NPM1: variants seen among roughly 807,000 people sequenced by gnomAD.
NPM1 encodes the protein nucleophosmin.
NPM1 carries 1 observed loss-of-function variant against 44.1 expected under a neutral mutation model. The observed-to-expected ratio is 0.02, with a 90% CI of 0.01 to 0.11. The LOEUF (loss-of-function observed/expected upper bound fraction) is 0.11. Among genes scored for constraint, NPM1 ranks in the 10% least tolerant of loss-of-function variants. The pLI is 1.00. For synonymous variants in NPM1, 126 were observed against 111.8 expected, an observed-to-expected ratio of 1.13 and a Z score of -0.80; for missense variants, 197 against 347.8, an observed-to-expected ratio of 0.57 and a Z score of 3.45.
At chr5:171,395,963 AT>A (rs10709038) in intron 6 of NPM1, among the ~76,000 whole-genome samples, 48,580 of 139,758 alleles carry the variant, frequency 0.35, 7,479 homozygotes, top group East Asian at 0.51. Flanking sequence ...GTAAAGCTGA[AT>A]TTTTTTTTTT....
At chr5:171,405,018 G>T (rs1771487719) in intron 8 of NPM1, among the ~76,000 whole-genome samples, 1 of 151,962 alleles carries the variant, frequency 6.6e-6, no homozygotes, top group Non-Finnish European at 1.5e-5. Context: ...GCTCACTACA[G>T]CCTCCAGCTG....
At chr5:171,399,662 A>G (rs899045635) in intron 6 of NPM1, among the ~76,000 whole-genome samples, 1 of 148,312 alleles carries the variant, frequency 6.7e-6, no homozygotes, top group Admixed American at 6.9e-5. Context: ...TGAACATGGA[A>G]TGTTTCTATT....
intron 8 of NPM1, among the ~76,000 whole-genome samples, chr5:171,404,227 G>C (rs1487772784): frequency 3.7e-5 from 4 of 106,802 alleles, no homozygotes; most frequent in Non-Finnish European, 5.9e-5. Context: ...TGGCCGGGCG[G>C]GGGGTTGACC....
chr5:171,406,259 T>A (rs1771560070), intron 9 of NPM1: 1 of 757,232 alleles, frequency 1.3e-6, no homozygotes, highest in African/African-American at 1.7e-5. Context: ...AACATATTTC[T>A]TTTAGTCACA....
chr5:171,391,685 T>A, intron 3 of NPM1, 21 bp from the exon 4 acceptor site: 1 of 1,494,188 alleles, frequency 6.7e-7, no homozygotes, highest in South Asian at 1.1e-5. Flanking sequence ...TGTTTAGTGA[T>A]GAAAAATTTC....
At chr5:171,388,648 C>T (rs1265175082) in intron 1 of NPM1, among the ~76,000 whole-genome samples, 1 of 152,188 alleles carries the variant, frequency 6.6e-6, no homozygotes, top group Non-Finnish European at 1.5e-5. Flanking sequence ...CGTGTTGCCA[C>T]TCGTGAGCCA....
intron 10 of NPM1, among the ~76,000 whole-genome samples, chr5:171,408,897 G>A (rs1304049133): frequency 1.3e-5 from 2 of 152,070 alleles, no homozygotes; most frequent in African/African-American, 4.8e-5. Context: ...TAATGATTAA[G>A]TTGCAGTAGT....
chr5:171,395,481 G>A (rs1179923817), intron 6 of NPM1, among the ~76,000 whole-genome samples: 1 of 152,068 alleles, frequency 6.6e-6, no homozygotes, highest in Non-Finnish European at 1.5e-5. Flanking sequence ...TGTATTTTTA[G>A]TAGAGACGGG....
At chr5:171,406,608 G>T in intron 9 of NPM1, 4 of 1,373,606 alleles carry the variant, frequency 2.9e-6, no homozygotes, top group Non-Finnish European at 3.8e-6. Context: ...TCTTCTGACT[G>T]CTGTGATTCA....
At position 171,391,401 on chromosome 5, in the gene NPM1, T is replaced by C; in HGVS notation, c.235T>C (p.Leu79=). The part of the protein sequence containing the change: ...GSPIKVTLAT[L]KMSVQPTVSL... ...TCCAATTAAAGTAACACTGGCAACT[T>C]TGAAAATGTCTGTACAGCCAACGGT... Residue 79 remains leucine (L), a synonymous_variant, in exon 3 of 11, where the codon TTG becomes CTG. Transcript: ENST00000296930. 1 of 1,609,136 alleles carries C rather than the reference T, an allele frequency of 6.2e-7. No individual in the cohort carries two copies. Among genetic ancestry groups the C allele is most frequent in the Admixed American group, 1.7e-5 (1 of 60,008 alleles).
chr5:171,396,573 T>G lies in NPM1; in HGVS notation c.525-3580T>G, dbSNP rs182672039. Among the ~76,000 whole-genome samples, 507 of 152,338 alleles carry G rather than the reference T, an allele frequency of 3.3e-3. 5 individuals carry two copies. Among genetic ancestry groups the G allele is most frequent in the African/African-American group, 0.012 (489 of 41,584 alleles). On this transcript the variant is annotated intron_variant, in intron 6 of 10. Coordinates refer to ENST00000296930, the MANE Select transcript of NPM1 (RefSeq NM_002520.7). ...ATAGGTGTTTCTTACATGAAGTTGCTGTATTGGGATTTAGAGACCAGTACG... is the reference window on the plus strand; with the variant it reads ...ATAGGTGTTTCTTACATGAAGTTGCGGTATTGGGATTTAGAGACCAGTACG...
intron 9 of NPM1, among the ~76,000 whole-genome samples, chr5:171,405,917 A>C (rs1199017894): frequency 3.9e-5 from 6 of 152,180 alleles, no homozygotes; most frequent in African/African-American, 1.4e-4. Context: ...AGTAATAGCT[A>C]GATTTCGTGA....
intron 8 of NPM1, among the ~76,000 whole-genome samples, chr5:171,402,257 A>C (rs1292330754): frequency 2.0e-5 from 3 of 150,970 alleles, no homozygotes; most frequent in Non-Finnish European, 4.4e-5. Flanking sequence ...TATGAAAAAC[A>C]GCTCAATATC....
Position 171,390,070 on chromosome 5 carries a change from C to A in NPM1, c.78C>A (p.Asp26Glu). The change falls in exon 2 of 11, where the codon GAC (aspartate) becomes GAA (glutamate). Residue 26 changes from aspartate to glutamate, a missense_variant. Physicochemically the swap from Asp to Glu is conservative, Grantham distance 45. Around this residue, in one of 5 missense-constraint regions of NPM1, gnomAD observed 43 missense variants for 109.6 expected, o/e 0.39. Transcript: ENST00000296930. ...TTACAGGTTGTGAACTAAAGGCCGA[C>A]AAAGATTATCACTTTAAGGTGGATA... ...NYLFGCELKADKDYHFKVDND... is the reference protein window; with the variant it reads ...NYLFGCELKAEKDYHFKVDND... 1 of 1,580,562 alleles carries A rather than the reference C, an allele frequency of 6.3e-7. No homozygotes were observed. The highest frequency in any genetic ancestry group is 2.3e-5 in the East Asian group (1 of 43,662).
intron 1 of NPM1, among the ~76,000 whole-genome samples, chr5:171,389,734 T>C (rs1770474391): frequency 1.3e-5 from 2 of 152,214 alleles, no homozygotes; most frequent in South Asian, 4.1e-4. Context: ...ACATTGGACA[T>C]TACATTTGGT....
chr5:171,390,132 TACTTAA>T lies in NPM1; in HGVS notation c.138+7_138+12del. On this transcript the variant is annotated splice_donor_5th_base_variant and intron_variant, in intron 2 of 10. Transcript: ENST00000296930. The stretch of plus-strand genomic sequence containing the variant: ...GAGCACCAGTTATCTTTAAGAACGG[TACTTAA>T]ACTTTCAAAATAAACTACTTAACCC... 6.6e-7 allele frequency: 1 copy of T among 1,512,728 alleles called. No homozygotes were observed. The allele number at this position is 1,512,728 out of a possible 1,614,324, so 93.7% of individuals were successfully genotyped here.
rs1333268713 is a variant in NPM1, at chr5:171,403,979, C to T, written c.670-1323C>T. ...TGGGGGGGCTGACCCCCCCATCTCCCGGACGGGGTGGCTGGCCGGGCTGAG... is the reference window on the plus strand; with the variant it reads ...TGGGGGGGCTGACCCCCCCATCTCCTGGACGGGGTGGCTGGCCGGGCTGAG... On this transcript the variant is annotated intron_variant, in intron 8 of 10. Transcript: ENST00000296930. Among the ~76,000 whole-genome samples the T allele has an allele frequency of 9.6e-5, 8 of 83,264 alleles. 1 individual carries two copies. The highest frequency in any genetic ancestry group is 3.3e-4 in the Admixed American group (3 of 9,226). 54.6% of individuals were successfully genotyped at this position (83,264 alleles called of 152,430 possible). A position where few individuals can be genotyped will look rare whatever the true frequency, so the allele number is the denominator to read the frequency against.
Position 171,400,840 on chromosome 5 carries a change from C to G in NPM1, c.584C>G (p.Ser195Cys). 4 of 1,600,022 alleles carry G rather than the reference C, an allele frequency of 2.5e-6. No homozygotes were observed. Among genetic ancestry groups the G allele is most frequent in the South Asian group, 1.1e-5 (1 of 90,642 alleles). ...EAEEKAPVKKSIRDTPAKNAQ... is the reference protein window; with the variant it reads ...EAEEKAPVKKCIRDTPAKNAQ... ...ATTAAGATAAATTTCTAATTGCAGTCTATACGAGATACTCCAGCCAAAAAT... is the reference window on the plus strand; with the variant it reads ...ATTAAGATAAATTTCTAATTGCAGTGTATACGAGATACTCCAGCCAAAAAT... Residue 195 changes from serine to cysteine, a missense_variant and splice_region_variant, in exon 8 of 11, where the codon TCT (serine) becomes TGT (cysteine). This residue lies in a region of NPM1 where 91 missense variants were observed against 94.0 expected (regional missense o/e 0.97). Coordinates refer to ENST00000296930, the MANE Select transcript of NPM1 (RefSeq NM_002520.7).
At chr5:171,405,272 T>C (rs200911998) in intron 8 of NPM1, 30 bp from the exon 9 acceptor site, 47 of 1,078,246 alleles carry the variant, frequency 4.4e-5, no homozygotes, top group Middle Eastern at 5.0e-4. Flanking sequence ...TTTATTCTTA[T>C]GACCTTTTGG....
Sources: allele counts gnomAD v4.1 joint callset (sites outside exome capture counted in the v4.1 genomes callset), GRCh38; gene constraint gnomAD v4.1.1; regional missense constraint gnomAD v4.1.1; transcripts MANE v1.5; gene names NCBI Gene and HGNC (gene_info 2026-07-23, HGNC 2026-07-21).